ARIH1: variants seen among roughly 807,000 people sequenced by gnomAD.
ARIH1 encodes E3 ubiquitin-protein ligase ARIH1.
A neutral mutation model predicts 85.0 loss-of-function variants in ARIH1; 8 were observed. The ratio of observed to expected loss-of-function variants is 0.09; its 90% confidence interval spans 0.06 to 0.17. The LOEUF is 0.17. ARIH1 is among the 10% of genes least tolerant of loss of function. The pLI is 1.00. For missense variants in ARIH1, 311 were observed against 718.1 expected (o/e 0.43, Z 6.48); for synonymous variants, 238 against 253.6 (o/e 0.94, Z 0.59).
chr15:72,563,972 C>A (rs1293156837), intron 7 of ARIH1, among the ~76,000 whole-genome samples: 1 of 152,188 alleles, frequency 6.6e-6, no homozygotes, highest in Non-Finnish European at 1.5e-5. Context: ...GTATACTCTT[C>A]AGCCTCTGAA....
intron 1 of ARIH1, among the ~76,000 whole-genome samples, chr15:72,492,672 GC>G: frequency 6.6e-6 from 1 of 152,058 alleles, no homozygotes; most frequent in African/African-American, 2.4e-5. Flanking sequence ...CATTTCATTG[GC>G]CCTAAAAATG....
chr15:72,501,593 G>C (rs1280524165), intron 1 of ARIH1, among the ~76,000 whole-genome samples: 3 of 152,168 alleles, frequency 2.0e-5, no homozygotes, highest in Non-Finnish European at 4.4e-5. Context: ...GAAGTCACGC[G>C]AATGTTTTGC....
rs3028452 is a variant in ARIH1, at chr15:72,489,247, CAA to C, written c.375+14254_375+14255del. The stretch of plus-strand genomic sequence containing the variant: ...TAGGCAACAGGGTGAGACCATGTCT[CAA>C]AAAAAAAAAAAAAAAAAAAAGACAG... On this transcript the variant is annotated intron_variant, in intron 1 of 13. Coordinates refer to ENST00000379887, the MANE Select transcript of ARIH1 (RefSeq NM_005744.5). Among the ~76,000 whole-genome samples the C allele has an allele frequency of 9.8e-3, 823 of 84,048 alleles. 1 individual carries two copies. Among genetic ancestry groups the C allele is most frequent in the African/African-American group, 0.038 (756 of 19,880 alleles). 55.1% of individuals were successfully genotyped at this position (84,048 alleles called of 152,430 possible).
rs1322166892 is a variant in ARIH1 at position 72,600,238 on chromosome 15, T to A, written c.*16946T>A. The A allele has an allele frequency of 2.0e-5, 3 of 152,226 alleles. No homozygotes were observed. The highest frequency in any genetic ancestry group is 7.2e-5 in the African/African-American group (3 of 41,456). 9.4% of individuals were successfully genotyped at this position (152,226 alleles called of 1,614,324 possible). A position where few individuals can be genotyped will look rare whatever the true frequency, so the allele number is the denominator to read the frequency against. ...CCATAAAAATAGATAAATGCCATTT[T>A]TTTTGTATGCCCAGCACAGCTATAT... On this transcript the variant is annotated 3_prime_UTR_variant, in exon 14 of 14. Transcript: ENST00000379887.
rs940080391 is a variant in ARIH1 at position 72,475,259 on chromosome 15, C to T, written c.375+245C>T. The stretch of plus-strand genomic sequence containing the variant: ...CAAGTCCTGCTATGGCGGAGGCCTT[C>T]GGTCGCCTAAGCCTTCTCTTGCGGG... On this transcript the variant is annotated intron_variant, in intron 1 of 13. Coordinates refer to ENST00000379887, the MANE Select transcript of ARIH1 (RefSeq NM_005744.5). 4.1e-5 allele frequency: 34 copies of T among 821,618 alleles called. No individual in the cohort carries two copies. The African/African-American group carries it at 5.5e-4, about 13-fold the overall frequency. The allele number at this position is 821,618 out of a possible 1,614,324, so 50.9% of individuals were successfully genotyped here.
intron 1 of ARIH1, among the ~76,000 whole-genome samples, chr15:72,511,887 G>T (rs1384929130): frequency 6.6e-6 from 1 of 152,072 alleles, no homozygotes; most frequent in East Asian, 1.9e-4. Context: ...TTTTATAGTA[G>T]TGGATGTTGA....
intron 1 of ARIH1, among the ~76,000 whole-genome samples, chr15:72,482,770 G>A (rs900468578): frequency 2.6e-5 from 4 of 151,786 alleles, no homozygotes; most frequent in Non-Finnish European, 5.9e-5. Context: ...CTTACCTGGG[G>A]GCCTCTGGCT....
At chr15:72,549,784 GTTTC>G (rs1418259913) in intron 3 of ARIH1, among the ~76,000 whole-genome samples, 8 of 152,138 alleles carry the variant, frequency 5.3e-5, no homozygotes, top group Admixed American at 1.3e-4. Flanking sequence ...GTATTCTTAA[GTTTC>G]TTTAAGTCCA....
chr15:72,553,648 G>A (rs201147901), intron 3 of ARIH1, among the ~76,000 whole-genome samples: 1 of 152,102 alleles, frequency 6.6e-6, no homozygotes, highest in Non-Finnish European at 1.5e-5. Context: ...GTTTTGGTAC[G>A]GTGGCTCACG....
chr15:72,539,447 G>C (rs1163708713), intron 2 of ARIH1, among the ~76,000 whole-genome samples: 1 of 150,058 alleles, frequency 6.7e-6, no homozygotes, highest in Non-Finnish European at 1.5e-5. Context: ...GGAACTGACA[G>C]AACAGAAAAA....
chr15:72,499,822 G>A (rs1057151358), intron 1 of ARIH1, among the ~76,000 whole-genome samples: 1 of 152,138 alleles, frequency 6.6e-6, no homozygotes, highest in Non-Finnish European at 1.5e-5. Flanking sequence ...ATTCTCCTGT[G>A]TTGGAGCCTC....
intron 11 of ARIH1, among the ~76,000 whole-genome samples, chr15:72,576,299 A>G (rs2064270893): frequency 6.6e-6 from 1 of 151,942 alleles, no homozygotes; most frequent in Non-Finnish European, 1.5e-5. Flanking sequence ...AGGTCAGGAG[A>G]TGGAGACCAT....
At chr15:72,574,299 C>G (rs2064260539) in intron 11 of ARIH1, among the ~76,000 whole-genome samples, 1 of 152,114 alleles carries the variant, frequency 6.6e-6, no homozygotes, top group African/African-American at 2.4e-5. Context: ...TGTGGGAGTA[C>G]AAAGAAAGAT....
At chr15:72,492,181 T>C (rs1179715556) in intron 1 of ARIH1, among the ~76,000 whole-genome samples, 1 of 152,170 alleles carries the variant, frequency 6.6e-6, no homozygotes, top group African/African-American at 2.4e-5. Context: ...AAACACAAAG[T>C]TTAATAAAAA....
chr15:72,495,540 A>C (rs763017006), intron 1 of ARIH1, among the ~76,000 whole-genome samples: 1 of 152,220 alleles, frequency 6.6e-6, no homozygotes, highest in African/African-American at 2.4e-5. Flanking sequence ...AAATGGTTAG[A>C]TCTCCTATAA....
intron 4 of ARIH1, 24 bp from the exon 5 acceptor site, chr15:72,555,828 A>T: frequency 6.2e-7 from 1 of 1,604,274 alleles, no homozygotes; most frequent in East Asian, 2.2e-5. Flanking sequence ...GAATGAAGAC[A>T]GTTTAAATTT....
intron 2 of ARIH1, among the ~76,000 whole-genome samples, chr15:72,531,194 A>G (rs768855551): frequency 1.3e-5 from 2 of 152,228 alleles, no homozygotes; most frequent in Non-Finnish European, 2.9e-5. Flanking sequence ...TGTTAAGATC[A>G]TGAAATTTCA....
At position 72,587,265 on chromosome 15, in the gene ARIH1, ACAGAATGACCTAGTATTCTGTAC is replaced by A. The variant is rs751079265; in HGVS notation, c.*3977_*3999del. 1.9e-5 allele frequency: 10 copies of A among 528,852 alleles called. No homozygotes were observed. The Admixed American group carries it at 2.0e-4, about 10-fold the overall frequency. The allele number at this position is 528,852 out of a possible 1,614,324, so 32.8% of individuals were successfully genotyped here. On this transcript the variant is annotated 3_prime_UTR_variant, in exon 14 of 14. Transcript: ENST00000379887. ...TGTATCATATTTTGTTATTCTGGTC[ACAGAATGACCTAGTATTCTGTAC>A]CAGGGAAGGTAGTTCTTAACTATAT...
intron 1 of ARIH1, among the ~76,000 whole-genome samples, chr15:72,499,012 G>C (rs1276930500): frequency 9.9e-6 from 1 of 101,110 alleles, no homozygotes; most frequent in African/African-American, 5.5e-5. Context: ...ACAAAGTCTT[G>C]CTCTGTCACC....
Sources: gnomAD v4.1 joint callset for allele counts (sites outside exome capture counted in the v4.1 genomes callset) on GRCh38, gnomAD v4.1.1 for gene constraint, MANE v1.5 for transcripts, NCBI Gene and HGNC (gene_info 2026-07-23, HGNC 2026-07-21) for gene names.